The following RNFT2 variants were observed in gnomAD, a reference collection of about 807,000 sequenced individuals.
RNFT2 encodes E3 ubiquitin-protein ligase RNFT2.
In RNFT2, 36 loss-of-function variants were observed where a neutral mutation model predicts 53.0. The ratio of observed to expected loss-of-function variants is 0.68; its 90% CI spans 0.52 to 0.90. The LOEUF is 0.90. Among genes scored for constraint, RNFT2 ranks in the 40% least tolerant of loss-of-function variants. The pLI is 0.00. For synonymous variants in RNFT2, 260 were observed against 253.2 expected (o/e 1.03, Z -0.26); for missense variants, 514 against 585.6 (o/e 0.88, Z 1.26).
chr12:116,769,529 G>A (rs530151734), intron 6 of RNFT2, among the ~76,000 whole-genome samples: 8 of 152,208 alleles, frequency 5.3e-5, no homozygotes, highest in African/African-American at 9.6e-5. Flanking sequence ...TAAGGTGTAC[G>A]TTTATGTCTT....
chr12:116,802,586 GACAA>G (rs1220437186), intron 7 of RNFT2, among the ~76,000 whole-genome samples: 1 of 152,180 alleles, frequency 6.6e-6, no homozygotes, highest in East Asian at 1.9e-4. Context: ...GTAGCCACAA[GACAA>G]ACAATGCCAC....
intron 6 of RNFT2, among the ~76,000 whole-genome samples, chr12:116,776,411 C>T (rs1056531608): frequency 6.6e-6 from 1 of 152,170 alleles, no homozygotes; most frequent in Non-Finnish European, 1.5e-5. Context: ...ACCAACCAGC[C>T]TGGGATATCC....
chr12:116,846,253 T>G (rs1877607340), intron 10 of RNFT2, among the ~76,000 whole-genome samples: 1 of 150,784 alleles, frequency 6.6e-6, no homozygotes, highest in Non-Finnish European at 1.5e-5. Context: ...CCAGTCATTA[T>G]TCCAAGTGCC....
intron 5 of RNFT2, among the ~76,000 whole-genome samples, chr12:116,762,403 C>CAAA (rs71095592): frequency 7.2e-6 from 1 of 139,792 alleles, no homozygotes; most frequent in Non-Finnish European, 1.5e-5. Context: ...CATCTCAAAA[C>CAAA]AAAAAAAAAA....
At chr12:116,757,633 G>C (rs1249717514) in intron 5 of RNFT2, among the ~76,000 whole-genome samples, 1 of 152,130 alleles carries the variant, frequency 6.6e-6, no homozygotes, top group Non-Finnish European at 1.5e-5. Context: ...GCATGGTTTT[G>C]AAGGTTCCTT....
intron 6 of RNFT2, among the ~76,000 whole-genome samples, chr12:116,775,680 A>G (rs1873402185): frequency 6.6e-6 from 1 of 152,260 alleles, no homozygotes; most frequent in Non-Finnish European, 1.5e-5. Flanking sequence ...CATAAGACTC[A>G]TTAAAGTACT....
intron 3 of RNFT2, among the ~76,000 whole-genome samples, chr12:116,741,942 C>T (rs953041610): frequency 1.3e-5 from 2 of 152,108 alleles, no homozygotes; most frequent in Non-Finnish European, 2.9e-5. Flanking sequence ...TGAACCACTG[C>T]ACCTGGCATG....
intron 7 of RNFT2, among the ~76,000 whole-genome samples, chr12:116,808,586 G>C (rs924072): frequency 0.84 from 127,204 of 152,066 alleles, 53,969 homozygotes; most frequent in Non-Finnish European, 0.91. Flanking sequence ...ATTTATTTAT[G>C]TAGTCCCGCC....
chr12:116,798,548 C>T (rs79546899), intron 7 of RNFT2, among the ~76,000 whole-genome samples: 1 of 152,072 alleles, frequency 6.6e-6, no homozygotes, highest in South Asian at 2.1e-4. Flanking sequence ...ATAATAGTAC[C>T]TATCTGCATT....
chr12:116,760,173 G>A (rs1566072771), intron 5 of RNFT2, among the ~76,000 whole-genome samples: 1 of 152,200 alleles, frequency 6.6e-6, no homozygotes, highest in East Asian at 1.9e-4. Flanking sequence ...CCTGCAAAAC[G>A]AAGGGCCGGT....
chr12:116,804,931 C>T (rs1236491991), intron 7 of RNFT2, among the ~76,000 whole-genome samples: 1 of 152,214 alleles, frequency 6.6e-6, no homozygotes, highest in Non-Finnish European at 1.5e-5. Flanking sequence ...TACACCACTG[C>T]ACTCCATCCT....
At chr12:116,755,776 G>GTGTAT in intron 5 of RNFT2, 1 of 1,512,006 alleles carries the variant, frequency 6.6e-7, no homozygotes, top group Non-Finnish European at 9.1e-7. Context: ...CTTTCTTATA[G>GTGTAT]ATTCACATAT....
intron 7 of RNFT2, among the ~76,000 whole-genome samples, chr12:116,818,320 C>CAAA (rs11380244): frequency 0.037 from 5,262 of 140,976 alleles, 248 homozygotes; most frequent in East Asian, 0.14. Flanking sequence ...GGCCCTATCT[C>CAAA]AAAAAAAAAA....
At chr12:116,841,705 G>A (rs1218149580) in intron 10 of RNFT2, among the ~76,000 whole-genome samples, 1 of 140,844 alleles carries the variant, frequency 7.1e-6, no homozygotes, top group Non-Finnish European at 1.5e-5. Context: ...CCAAGGTCAT[G>A]CCACTGCACT....
chr12:116,788,767 A>G (rs77800793), intron 7 of RNFT2, among the ~76,000 whole-genome samples: 2,351 of 152,184 alleles, frequency 0.015, 74 homozygotes, highest in African/African-American at 0.053. Flanking sequence ...GAATGGATAT[A>G]TAGGTAGGTA....
intron 3 of RNFT2, among the ~76,000 whole-genome samples, chr12:116,744,757 C>T (rs1871817709): frequency 6.6e-6 from 1 of 152,252 alleles, no homozygotes; most frequent in East Asian, 1.9e-4. Flanking sequence ...AGGGGAGAGG[C>T]CCAGGGAAGG....
intron 5 of RNFT2, among the ~76,000 whole-genome samples, chr12:116,764,924 C>T (rs1872846203): frequency 6.6e-6 from 1 of 152,078 alleles, no homozygotes; most frequent in Non-Finnish European, 1.5e-5. Context: ...TAGGAGGCAG[C>T]TTTGGGGGCT....
In RNFT2 at chr12:116,750,099, C is replaced by A; in HGVS notation, c.342C>A (p.His114Gln). ...CCTACCACCACCGCCAGCCCCACCA[C>A]CATTTCCACCATGGCGGCCACCGCG... ...GGAYHHRQPH[H>Q]HFHHGGHRGG... The change falls in exon 4 of 11, where the codon CAC (histidine) becomes CAA (glutamine). Residue 114 changes from histidine to glutamine, a missense_variant. Transcript: ENST00000257575. 2 of 1,555,802 alleles carry A rather than the reference C, an allele frequency of 1.3e-6. No individual in the cohort carries two copies. Among genetic ancestry groups the A allele is most frequent in the Admixed American group, 1.9e-5 (1 of 53,518 alleles).
chr12:116,758,300 C>T (rs557272830), intron 5 of RNFT2, among the ~76,000 whole-genome samples: 22 of 152,308 alleles, frequency 1.4e-4, no homozygotes, highest in African/African-American at 5.3e-4. Flanking sequence ...TTAAGTGGAG[C>T]ATTTAGGCCA....
Sources: gnomAD v4.1 joint callset for allele counts (sites outside exome capture counted in the v4.1 genomes callset) on GRCh38, gnomAD v4.1.1 for gene constraint, MANE v1.5 for transcripts, NCBI Gene and HGNC (gene_info 2026-07-23, HGNC 2026-07-21) for gene names.